SFMBT1: variants seen among roughly 807,000 people sequenced by gnomAD.
SFMBT1 encodes the protein scm-like with four MBT domains protein 1.
Under a neutral mutation model 108.7 loss-of-function variants are expected in SFMBT1, and 32 were observed. That is an observed-to-expected ratio of 0.29 (90% CI 0.22 to 0.40). The LOEUF (loss-of-function observed/expected upper bound fraction) is 0.40. Ranked by LOEUF, SFMBT1 falls within the 10% of genes least tolerant of loss-of-function variation. SFMBT1 has a pLI of 1.00. For synonymous variants in SFMBT1, 348 were observed against 369.5 expected, an observed-to-expected ratio of 0.94 and a Z score of 0.67; for missense variants, 816 against 1,059.6, an observed-to-expected ratio of 0.77 and a Z score of 3.19.
chr3:53,030,005 AC>A (rs201807392), intron 1 of SFMBT1, among the ~76,000 whole-genome samples: 6 of 152,134 alleles, frequency 3.9e-5, no homozygotes, highest in Admixed American at 6.6e-5. Flanking sequence ...AGAAAAAAAA[AC>A]CAGTTTAAAT....
chr3:52,993,046 C>T (rs1386368403), intron 1 of SFMBT1, among the ~76,000 whole-genome samples: 1 of 151,896 alleles, frequency 6.6e-6, no homozygotes, highest in East Asian at 1.9e-4. Flanking sequence ...GCCAAGAAAA[C>T]CAAATTATTT....
intron 5 of SFMBT1, among the ~76,000 whole-genome samples, chr3:52,933,084 C>A (rs1040834820): frequency 6.6e-6 from 1 of 152,180 alleles, no homozygotes; most frequent in Non-Finnish European, 1.5e-5. Context: ...TCAATATCCA[C>A]CTCTGCCAGT....
chr3:52,960,543 T>C (rs1703925553), intron 2 of SFMBT1, among the ~76,000 whole-genome samples: 1 of 152,144 alleles, frequency 6.6e-6, no homozygotes, highest in Non-Finnish European at 1.5e-5. Context: ...ATATTTCTGG[T>C]GGGAATGTAA....
intron 4 of SFMBT1, among the ~76,000 whole-genome samples, chr3:52,941,180 C>T (rs1703168781): frequency 6.6e-6 from 1 of 152,156 alleles, no homozygotes; most frequent in Non-Finnish European, 1.5e-5. Flanking sequence ...TGGCCTGTAA[C>T]TTTCAAAATA....
At chr3:52,909,969 TCTGC>T (rs1292297011) in intron 17 of SFMBT1, among the ~76,000 whole-genome samples, 5 of 152,260 alleles carry the variant, frequency 3.3e-5, no homozygotes, top group African/African-American at 1.2e-4. Flanking sequence ...TAAGCAAGCT[TCTGC>T]CTCAAGCCTG....
chr3:53,007,312 G>A (rs535686542), intron 1 of SFMBT1, among the ~76,000 whole-genome samples: 1 of 152,326 alleles, frequency 6.6e-6, no homozygotes, highest in Admixed American at 6.5e-5. Flanking sequence ...ATATCAGGCT[G>A]CCTGCCACCT....
chr3:52,905,539 T>C (rs985274463), intron 20 of SFMBT1, among the ~76,000 whole-genome samples: 1 of 152,226 alleles, frequency 6.6e-6, no homozygotes. Context: ...CTCTGTCCCA[T>C]AGAAATTTAG....
chr3:52,904,742 A>C lies in SFMBT1; in HGVS notation c.*394T>G, dbSNP rs1212170781. 1 of 163,768 alleles carries C rather than the reference A, an allele frequency of 6.1e-6. No individual in the cohort carries two copies. The highest frequency in any genetic ancestry group is 1.8e-4 in the East Asian group (1 of 5,624). The allele number at this position is 163,768 out of a possible 1,614,324, so 10.1% of individuals were successfully genotyped here. On this transcript the variant is annotated 3_prime_UTR_variant, in exon 21 of 21. Transcript: ENST00000394752. The stretch of plus-strand genomic sequence containing the variant: ...TAAGTCCTCTCTTTCCAAGAAAAAG[A>C]AAGCAGAGAACAAAGTTCAATCTAC...
chr3:52,964,154 C>T (rs187117897), intron 2 of SFMBT1, among the ~76,000 whole-genome samples: 9 of 152,280 alleles, frequency 5.9e-5, no homozygotes, highest in Non-Finnish European at 2.9e-5. Context: ...AAACCCTGTA[C>T]TTTTAAATTT....
intron 1 of SFMBT1, among the ~76,000 whole-genome samples, chr3:52,970,280 C>T (rs1471731445): frequency 1.3e-5 from 2 of 152,122 alleles, no homozygotes; most frequent in Admixed American, 1.3e-4. Context: ...CAGTTCCTTC[C>T]TATTCCATCC....
At chr3:52,981,339 A>T (rs1704703007) in intron 1 of SFMBT1, among the ~76,000 whole-genome samples, 1 of 151,924 alleles carries the variant, frequency 6.6e-6, no homozygotes, top group Admixed American at 6.6e-5. Flanking sequence ...ATCATTAAGG[A>T]GAAAGGATTT....
chr3:53,021,190 G>T (rs916240678), intron 1 of SFMBT1, among the ~76,000 whole-genome samples: 1 of 152,258 alleles, frequency 6.6e-6, no homozygotes, highest in Middle Eastern at 3.4e-3. Context: ...CATTTCTAAC[G>T]AAAGACCAAA....
At chr3:52,963,405 G>A (rs912695284) in intron 2 of SFMBT1, among the ~76,000 whole-genome samples, 1 of 151,934 alleles carries the variant, frequency 6.6e-6, no homozygotes, top group African/African-American at 2.4e-5. Flanking sequence ...CTAACTGTTG[G>A]TGGGAAAACC....
At chr3:52,951,914 CT>C (rs1457116966) in intron 3 of SFMBT1, among the ~76,000 whole-genome samples, 1 of 152,150 alleles carries the variant, frequency 6.6e-6, no homozygotes, top group Non-Finnish European at 1.5e-5. Context: ...TATGGCCAGA[CT>C]TTGAGGGGCT....
At chr3:52,965,391 T>A (rs1704099267) in intron 2 of SFMBT1, among the ~76,000 whole-genome samples, 1 of 140,534 alleles carries the variant, frequency 7.1e-6, no homozygotes, top group African/African-American at 2.6e-5. Context: ...ACCCAAAAAA[T>A]ATATACACCA....
intron 1 of SFMBT1, among the ~76,000 whole-genome samples, chr3:53,033,699 T>C (rs931762349): frequency 1.3e-5 from 2 of 151,702 alleles, no homozygotes; most frequent in African/African-American, 4.9e-5. Context: ...ACTCTTCAGC[T>C]TGCATCTCCC....
intron 1 of SFMBT1, among the ~76,000 whole-genome samples, chr3:52,981,776 AG>A (rs2106879320): frequency 1.3e-5 from 2 of 152,240 alleles, no homozygotes; most frequent in African/African-American, 4.8e-5. Flanking sequence ...CCCGGATTTA[AG>A]GGAGGAAAGG....
chr3:53,002,558 T>A (rs975971598), intron 1 of SFMBT1, among the ~76,000 whole-genome samples: 1 of 150,244 alleles, frequency 6.7e-6, no homozygotes, highest in African/African-American at 2.4e-5. Flanking sequence ...ATAAACTAAG[T>A]GCTCACTGAA....
At chr3:53,043,189 T>C (rs1700110850) in intron 1 of SFMBT1, 1 of 152,236 alleles carries the variant, frequency 6.6e-6, no homozygotes, top group South Asian at 2.1e-4. Flanking sequence ...CAAGACGACA[T>C]TGGTGAAGGA....
Sources: allele counts gnomAD v4.1 joint callset (sites outside exome capture counted in the v4.1 genomes callset), GRCh38; gene constraint gnomAD v4.1.1; transcripts MANE v1.5; gene names NCBI Gene and HGNC (gene_info 2026-07-23, HGNC 2026-07-21).